The following FLNB variants were observed in gnomAD, a reference collection of about 807,000 sequenced individuals.
The protein encoded by FLNB is filamin B.
In FLNB, 111 loss-of-function variants were observed where a neutral mutation model predicts 250.6. The ratio of observed to expected loss-of-function variants is 0.44; its 90% CI spans 0.38 to 0.52. FLNB has a LOEUF of 0.52. FLNB is among the 20% of genes least tolerant of loss of function. The probability of loss-of-function intolerance (pLI) is 0.00; values close to 1 mark genes in which losing one functional copy is unlikely to be tolerated. For synonymous variants in FLNB, 1,302 were observed against 1,372.1 expected (o/e 0.95, Z 1.13); for missense variants, 2,869 against 3,447.8 (o/e 0.83, Z 4.20).
intron 21 of FLNB, 27 bp from the exon 22 acceptor site, chr3:58,124,305 A>G: frequency 6.2e-7 from 1 of 1,613,906 alleles, no homozygotes; most frequent in Non-Finnish European, 8.5e-7. Flanking sequence ...TACTGGTGGC[A>G]GTGTTAGCTA....
At chr3:58,021,769 GTT>G (rs891963788) in intron 1 of FLNB, among the ~76,000 whole-genome samples, 2 of 145,152 alleles carry the variant, frequency 1.4e-5, no homozygotes. Flanking sequence ...CCAACACCTT[GTT>G]TTTTTGTTTT....
intron 1 of FLNB, among the ~76,000 whole-genome samples, chr3:58,035,214 C>T (rs1415276836): frequency 6.6e-6 from 1 of 152,174 alleles, no homozygotes; most frequent in Non-Finnish European, 1.5e-5. Flanking sequence ...GAGATTACCT[C>T]TTCACCTCAC....
intron 1 of FLNB, among the ~76,000 whole-genome samples, chr3:58,028,616 C>CTT (rs58801511): frequency 7.2e-6 from 1 of 139,166 alleles, no homozygotes; most frequent in South Asian, 2.3e-4. Flanking sequence ...TTTTTCTTTT[C>CTT]TTTTTTTTTT....
At chr3:58,082,800 G>A (rs777693731) in intron 4 of FLNB, among the ~76,000 whole-genome samples, 27 of 151,470 alleles carry the variant, frequency 1.8e-4, no homozygotes, top group Admixed American at 5.3e-4. Context: ...GAAAGAAAAT[G>A]TTATCCCAGT....
At chr3:58,131,015 T>A in intron 25 of FLNB, 107 bp downstream of exon 25, 2 of 1,060,626 alleles carry the variant, frequency 1.9e-6, no homozygotes, top group Admixed American at 2.7e-5. Context: ...AGCTTAAAAT[T>A]AAATTAAAAA....
chr3:58,140,352 G>A (rs2107240788), intron 29 of FLNB, among the ~76,000 whole-genome samples: 1 of 152,344 alleles, frequency 6.6e-6, no homozygotes, highest in South Asian at 2.1e-4. Flanking sequence ...CTCAGCCATT[G>A]AAAGATCTTC....
intron 18 of FLNB, among the ~76,000 whole-genome samples, chr3:58,113,782 G>A (rs1388530828): frequency 6.6e-6 from 1 of 152,116 alleles, no homozygotes; most frequent in Non-Finnish European, 1.5e-5. Context: ...AGGTTCAAGC[G>A]ATTCTCCTGC....
chr3:58,084,881 A>G (rs2097215034), intron 4 of FLNB, among the ~76,000 whole-genome samples: 1 of 152,078 alleles, frequency 6.6e-6, no homozygotes, highest in African/African-American at 2.4e-5. Flanking sequence ...ACCTCCTAGA[A>G]GTGGAATCAT....
rs201106020 is a variant in FLNB, at chr3:58,138,313, C to T, written c.4893C>T (p.Gly1631=). 1.1e-5 allele frequency: 18 copies of T among 1,614,086 alleles called. No individual in the cohort carries two copies. Among genetic ancestry groups the T allele is most frequent in the East Asian group, 4.5e-5 (2 of 44,880 alleles). Residue 1631 remains glycine (G), a synonymous_variant, in exon 29 of 46, where the codon GGC becomes GGT. Coordinates refer to ENST00000295956, the MANE Select transcript of FLNB (RefSeq NM_001457.4). Reference sequence around the variant, plus strand: ...GAATCGCCTCCACTGTGAAAACTGGCGAAGAAGTAGGCTTTGTGGTTGATG... The same window carrying T: ...GAATCGCCTCCACTGTGAAAACTGGTGAAGAAGTAGGCTTTGTGGTTGATG... ...GPGIASTVKT[G]EEVGFVVDAK...
chr3:58,112,225 C>T lies in FLNB; in HGVS notation c.2652C>T (p.Phe884=). The T allele has an allele frequency of 6.2e-7, 1 of 1,614,104 alleles. No individual in the cohort carries two copies. The highest frequency in any genetic ancestry group is 8.5e-7 in the Non-Finnish European group (1 of 1,179,972). ...GAGKAPLNVQ[F]NSPLPGDAVK... is the part of the protein sequence containing the mutation. The stretch of plus-strand genomic sequence containing the variant: ...GGAAAGCCCCGCTCAACGTGCAGTT[C>T]AACAGCCCTCTTCCTGGCGATGCAG... The change falls in exon 18 of 46, where the codon TTC becomes TTT. Residue 884 remains phenylalanine (F), a synonymous_variant. Coordinates refer to ENST00000295956, the MANE Select transcript of FLNB (RefSeq NM_001457.4).
intron 1 of FLNB, among the ~76,000 whole-genome samples, chr3:58,031,384 A>T (rs2577312): frequency 2.1e-4 from 31 of 150,800 alleles, no homozygotes; most frequent in African/African-American, 7.3e-4. Context: ...CTGGGACTAC[A>T]GGCGCCCGCC....
intron 1 of FLNB, among the ~76,000 whole-genome samples, chr3:58,019,363 G>C (rs1349736883): frequency 6.6e-6 from 1 of 152,112 alleles, no homozygotes; most frequent in Non-Finnish European, 1.5e-5. Context: ...AGGCCAAACA[G>C]AGCTCATATC....
intron 1 of FLNB, among the ~76,000 whole-genome samples, chr3:58,066,416 A>G (rs1410682483): frequency 6.6e-6 from 1 of 152,004 alleles, no homozygotes; most frequent in Non-Finnish European, 1.5e-5. Flanking sequence ...GACGGGTTTC[A>G]CCGTGTTCAC....
chr3:58,119,939 C>T (rs956952745), intron 19 of FLNB, among the ~76,000 whole-genome samples: 19 of 152,232 alleles, frequency 1.2e-4, no homozygotes, highest in African/African-American at 3.9e-4. Flanking sequence ...GAATCATTCA[C>T]TCCTACATCT....
Position 58,123,672 on chromosome 3 carries a change from C to G in FLNB, c.3706C>G (p.Pro1236Ala). The G allele has an allele frequency of 1.3e-6, 2 of 1,556,192 alleles. No individual in the cohort carries two copies. Among genetic ancestry groups the G allele is most frequent in the African/African-American group, 1.4e-5 (1 of 69,642 alleles). ...CACCAGCAGGATCAAAGTCTTTGGA[C>G]CAGGAATAGAAGGGAAAGGTGGGTT... Reference protein sequence around the residue: ...VDTSRIKVFGPGIEGKDVFRE... With the variant: ...VDTSRIKVFGAGIEGKDVFRE... Residue 1236 changes from proline to alanine, a missense_variant, in exon 21 of 46, where the codon CCA becomes GCA. Transcript: ENST00000295956.
chr3:58,029,506 CTT>C (rs548364805), intron 1 of FLNB, among the ~76,000 whole-genome samples: 64 of 136,220 alleles, frequency 4.7e-4, no homozygotes, highest in Admixed American at 4.5e-4. Flanking sequence ...AATGAGAATT[CTT>C]TTTTTTTTTT....
chr3:58,159,658 G>A lies in FLNB; in HGVS notation c.6993G>A (p.Glu2331=), dbSNP rs753974581. ...AKVHSPSGAV[E]ECHVSELEPD... Reference sequence around the variant, plus strand: ...TGCACAGCCCCTCTGGAGCCGTGGAGGAGTGCCACGTGTCTGAGCTGGAGC... The same window carrying A: ...TGCACAGCCCCTCTGGAGCCGTGGAAGAGTGCCACGTGTCTGAGCTGGAGC... Residue 2331 remains glutamate (E), a synonymous_variant, in exon 42 of 46, where the codon GAG becomes GAA. Transcript: ENST00000295956. The A allele has an allele frequency of 1.2e-6, 2 of 1,613,886 alleles. No individual in the cohort carries two copies. The highest frequency in any genetic ancestry group is 1.7e-6 in the Non-Finnish European group (2 of 1,180,016).
chr3:58,084,006 A>T (rs1387996371), intron 4 of FLNB, among the ~76,000 whole-genome samples: 2 of 151,996 alleles, frequency 1.3e-5, no homozygotes, highest in African/African-American at 4.8e-5. Context: ...ATCCTGGCTA[A>T]CAAGGTGAAA....
chr3:58,136,079 G>C lies in FLNB; in HGVS notation c.4772G>C (p.Gly1591Ala), dbSNP rs1460056215. 1 of 1,614,154 alleles carries C rather than the reference G, an allele frequency of 6.2e-7. No individual in the cohort carries two copies. The highest frequency in any genetic ancestry group is 1.3e-5 in the African/African-American group (1 of 75,028). Reference sequence around the variant, plus strand: ...GACAAGACTGGGCGCTATATGATTGGAGTCACCTACGGGGGTGACGACATC... The same window carrying C: ...GACAAGACTGGGCGCTATATGATTGCAGTCACCTACGGGGGTGACGACATC... ...IPDKTGRYMIGVTYGGDDIPL... is the reference protein window; with the variant it reads ...IPDKTGRYMIAVTYGGDDIPL... The change falls in exon 28 of 46, where the codon GGA (glycine) becomes GCA (alanine). Residue 1591 changes from glycine (G) to alanine (A), a missense_variant. Physicochemically the swap from Gly to Ala is moderately conservative, Grantham distance 60. Transcript: ENST00000295956.
Sources: allele counts gnomAD v4.1 joint callset (sites outside exome capture counted in the v4.1 genomes callset), GRCh38; gene constraint gnomAD v4.1.1; transcripts MANE v1.5; gene names NCBI Gene and HGNC (gene_info 2026-07-23, HGNC 2026-07-21).